Variants in UBOX5 observed in about 807,000 individuals in gnomAD.
UBOX5 encodes the protein RING finger protein 37.
A neutral mutation model predicts 39.0 loss-of-function variants in UBOX5; 28 were observed. The ratio of observed to expected loss-of-function variants is 0.72; its 90% CI spans 0.53 to 0.98. The LOEUF is 0.98. Ranked by LOEUF, UBOX5 falls within the 50% of genes least tolerant of loss-of-function variation. UBOX5 has a pLI of 0.00. For synonymous variants in UBOX5, 283 were observed against 275.5 expected (o/e 1.03, Z -0.27); for missense variants, 585 against 674.4 (o/e 0.87, Z 1.47).
At position 3,148,139 on chromosome 20, in the gene UBOX5, T is replaced by C. The variant is rs1374819213; in HGVS notation, c.-42+11627A>G. On this transcript the variant is annotated intron_variant, in intron 1 of 4. Transcript: ENST00000217173. ...ACCAACCTCCTCCAAATTGATCAAA[T>C]CTATATATTTAAGGATCAATGATTC... 6.8e-6 allele frequency: 11 copies of C among 1,613,754 alleles called. No individual in the cohort carries two copies. The African/African-American group carries it at 1.5e-4, about 22-fold the overall frequency.
intron 1 of UBOX5, among the ~76,000 whole-genome samples, chr20:3,124,030 A>G (rs1172423958): frequency 6.6e-6 from 1 of 151,864 alleles, no homozygotes; most frequent in African/African-American, 2.4e-5. Flanking sequence ...TAGAGACCCC[A>G]TCTCTACAAC....
rs774617549 is a variant in UBOX5, at chr20:3,121,698, G to A, written c.941C>T (p.Pro314Leu). The change falls in exon 3 of 5, where the codon CCG (proline) becomes CTG (leucine). Residue 314 changes from proline to leucine, a missense_variant. Pro to Leu is a moderately conservative substitution (Grantham distance 98). Coordinates refer to ENST00000217173, the MANE Select transcript of UBOX5 (RefSeq NM_014948.4). ...GGGGTGAGGCAGGGGCTGAGAGTGC[G>A]GAGTAAAAGCTACCCCCGTGAAAGG... ...SDPFTGVAFTPHSQPLPHPSL... is the reference protein window; with the variant it reads ...SDPFTGVAFTLHSQPLPHPSL... The A allele has an allele frequency of 1.4e-5, 22 of 1,613,836 alleles. No individual in the cohort carries two copies. Among genetic ancestry groups the A allele is most frequent in the South Asian group, 1.3e-4 (12 of 91,068 alleles).
chr20:3,110,058 C>G lies in UBOX5; in HGVS notation c.*48G>C. 1 of 1,600,928 alleles carries G rather than the reference C, an allele frequency of 6.2e-7. No homozygotes were observed. The highest frequency in any genetic ancestry group is 8.5e-7 in the Non-Finnish European group (1 of 1,177,792). ...GGTGCTGTGGCCCTGCTCCTGTTCC[C>G]CCTCAGCTCCTCCCAGCAATGGGTC... is the stretch of plus-strand genomic sequence containing the variant. On this transcript the variant is annotated 3_prime_UTR_variant, in exon 5 of 5. Coordinates refer to ENST00000217173, the MANE Select transcript of UBOX5 (RefSeq NM_014948.4).
Position 3,121,712 on chromosome 20 carries a change from C to T in UBOX5, c.927G>A (p.Gly309=), listed in dbSNP as rs760173512. Residue 309 remains glycine, a synonymous_variant, in exon 3 of 5, where the codon GGG becomes GGA. Coordinates refer to ENST00000217173, the MANE Select transcript of UBOX5 (RefSeq NM_014948.4). The part of the protein sequence containing the change: ...WGRVPSDPFT[G]VAFTPHSQPL... Reference sequence around the variant, plus strand: ...GCTGAGAGTGCGGAGTAAAAGCTACCCCCGTGAAAGGGTCACTGGGCACTC... The same window carrying T: ...GCTGAGAGTGCGGAGTAAAAGCTACTCCCGTGAAAGGGTCACTGGGCACTC... 6.2e-7 allele frequency: 1 copy of T among 1,614,022 alleles called. No individual in the cohort carries two copies. Among genetic ancestry groups the T allele is most frequent in the Non-Finnish European group, 8.5e-7 (1 of 1,180,008 alleles).
intron 1 of UBOX5, chr20:3,136,275 A>T (rs2066470951): frequency 6.7e-6 from 1 of 149,232 alleles, no homozygotes; most frequent in Admixed American, 6.7e-5. Flanking sequence ...CTTCAAAAGG[A>T]GGAAAATGAA....
intron 1 of UBOX5, chr20:3,147,012 C>A: frequency 6.2e-7 from 1 of 1,614,148 alleles, no homozygotes; most frequent in East Asian, 2.2e-5. Context: ...ATGCAGGCTG[C>A]GGGGCACAGG....
At chr20:3,150,826 G>A (rs191609790) in intron 1 of UBOX5, 1 of 152,322 alleles carries the variant, frequency 6.6e-6, no homozygotes, top group Admixed American at 6.5e-5. Flanking sequence ...GTGAATCAGA[G>A]CAGAATTCTC....
chr20:3,148,632 T>C, intron 1 of UBOX5: 1 of 1,614,166 alleles, frequency 6.2e-7, no homozygotes, highest in Middle Eastern at 1.6e-4. Flanking sequence ...TTGTGCAAAA[T>C]TAGTTCACCT....
At chr20:3,133,816 G>C (rs919528777) in intron 1 of UBOX5, among the ~76,000 whole-genome samples, 1 of 151,262 alleles carries the variant, frequency 6.6e-6, no homozygotes, top group African/African-American at 2.4e-5. Flanking sequence ...GTGCAATCTC[G>C]GCTCACTGCA....
At chr20:3,151,778 A>G (rs1389798192) in intron 1 of UBOX5, 2 of 152,180 alleles carry the variant, frequency 1.3e-5, no homozygotes, top group African/African-American at 4.8e-5. Flanking sequence ...AAATCCAATT[A>G]ATACTACAGC....
Position 3,122,385 on chromosome 20 carries a change from G to A in UBOX5, c.254C>T (p.Thr85Ile), listed in dbSNP as rs1442182998. The change falls in exon 3 of 5, where the codon ACA becomes ATA. Residue 85 changes from threonine (T) to isoleucine (I), a missense_variant. Coordinates refer to ENST00000217173, the MANE Select transcript of UBOX5 (RefSeq NM_014948.4). ...AGACACTCTGCTAGATGAGGCAGAT[G>A]TGTACATTTCCAGGCCAGTGACGTT... ...GQNVTGLEMY[T>I]SASSSRVSWN... 2 of 1,614,108 alleles carry A rather than the reference G, an allele frequency of 1.2e-6. No individual in the cohort carries two copies. Among genetic ancestry groups the A allele is most frequent in the East Asian group, 4.5e-5 (2 of 44,892 alleles).
rs748747964 is a variant in UBOX5, at chr20:3,122,169, T to C, written c.470A>G (p.Gln157Arg). 17 of 1,614,114 alleles carry C rather than the reference T, an allele frequency of 1.1e-5. No homozygotes were observed. In the Admixed American group the frequency reaches 2.8e-4, roughly 27 times the overall value. The change falls in exon 3 of 5, where the codon CAG becomes CGG. Residue 157 changes from glutamine (Q) to arginine (R), a missense_variant. By Grantham distance (43) the Gln-to-Arg change is conservative. Coordinates refer to ENST00000217173, the MANE Select transcript of UBOX5 (RefSeq NM_014948.4). ...ATLPSPAVVAQELWNKGALSL... is the reference protein window; with the variant it reads ...ATLPSPAVVARELWNKGALSL... ...AAGAGCCCCTTTATTCCAGAGCTCCTGGGCCACAACAGCAGGGGAGGGGAG... is the reference window on the plus strand; with the variant it reads ...AAGAGCCCCTTTATTCCAGAGCTCCCGGGCCACAACAGCAGGGGAGGGGAG...
intron 4 of UBOX5, among the ~76,000 whole-genome samples, chr20:3,112,755 A>G (rs954314700): frequency 1.3e-5 from 2 of 152,166 alleles, no homozygotes; most frequent in Non-Finnish European, 2.9e-5. Flanking sequence ...ACCTGAGGTC[A>G]GGAGTTCGAG....
rs1413491664 is a variant in UBOX5 at position 3,109,875 on chromosome 20, G to T, written c.*231C>A. 2 of 592,870 alleles carry T rather than the reference G, an allele frequency of 3.4e-6. No homozygotes were observed. The highest frequency in any genetic ancestry group is 2.0e-5 in the South Asian group (1 of 50,408). 36.7% of individuals were successfully genotyped at this position (592,870 alleles called of 1,614,324 possible). A position where few individuals can be genotyped will look rare whatever the true frequency, so the allele number is the denominator to read the frequency against. ...TGGGTCCTGGGCTCAGGCAGGGGGG[G>T]TGGCAGGGAGGCAGGGACATCCCCC... On this transcript the variant is annotated 3_prime_UTR_variant, in exon 5 of 5. Transcript: ENST00000217173.
In UBOX5 at chr20:3,149,892, A is replaced by T. The variant is rs540519157; in HGVS notation, c.-42+9874T>A. ...AAATTACCCAGGTGTGGCAGCACAC[A>T]CCTGTAATCCCAGCTACTCAGGAGG... On this transcript the variant is annotated intron_variant, in intron 1 of 4. Coordinates refer to ENST00000217173, the MANE Select transcript of UBOX5 (RefSeq NM_014948.4). This position sits in a 1 kb window ranked among gnomAD's most constrained non-coding sequence, Gnocchi z 4.1. Among the ~76,000 whole-genome samples, 117 of 152,074 alleles carry T rather than the reference A, an allele frequency of 7.7e-4. No individual in the cohort carries two copies. Among genetic ancestry groups the T allele is most frequent in the African/African-American group, 2.7e-3 (114 of 41,496 alleles).
At chr20:3,140,178 T>G (rs753540772) in intron 1 of UBOX5, among the ~76,000 whole-genome samples, 8 of 151,384 alleles carry the variant, frequency 5.3e-5, no homozygotes, top group Non-Finnish European at 7.4e-5. Context: ...CACACCATCA[T>G]GCCCAGCTGA....
intron 1 of UBOX5, chr20:3,148,730 T>C (rs764762315): frequency 2.5e-6 from 4 of 1,614,068 alleles, no homozygotes; most frequent in Non-Finnish European, 3.4e-6. Flanking sequence ...AACTCGCATG[T>C]TTTCAAAGGA....
At chr20:3,158,753 CG>C (rs1287653882) in intron 1 of UBOX5, among the ~76,000 whole-genome samples, 1 of 152,220 alleles carries the variant, frequency 6.6e-6, no homozygotes, top group Non-Finnish European at 1.5e-5. Context: ...GGATTACAGG[CG>C]TGAGCCACTG....
chr20:3,149,248 T>C lies in UBOX5; in HGVS notation c.-42+10518A>G, dbSNP rs1300199754. 4.1e-5 allele frequency: 26 copies of C among 629,062 alleles called. No homozygotes were observed. In the East Asian group the frequency reaches 5.1e-4, roughly 12 times the overall value. 39.0% of individuals were successfully genotyped at this position (629,062 alleles called of 1,614,324 possible). On this transcript the variant is annotated intron_variant, in intron 1 of 4. Transcript: ENST00000217173. The surrounding 1 kb of genome is among the most constrained non-coding windows in gnomAD (Gnocchi z 4.1). ...GGGATCACAAATGACTGGGTCAGAA[T>C]TGGTGCCAGATACTGAAAAAAGGGT...
Sources: allele counts gnomAD v4.1 joint callset (sites outside exome capture counted in the v4.1 genomes callset), GRCh38; gene constraint gnomAD v4.1.1; non-coding constraint Gnocchi (gnomAD v3.1); transcripts MANE v1.5; gene names NCBI Gene and HGNC (gene_info 2026-07-23, HGNC 2026-07-21).